Variants in LRRC4C observed in about 807,000 individuals in gnomAD.
LRRC4C encodes leucine-rich repeat-containing protein 4C.
A neutral mutation model predicts 33.6 loss-of-function variants in LRRC4C; 5 were observed. That is an observed-to-expected ratio of 0.15 (90% CI 0.08 to 0.31). LRRC4C has a LOEUF of 0.31. LRRC4C is among the 10% of genes least tolerant of loss of function. The pLI, the probability that LRRC4C is intolerant of heterozygous loss-of-function variation, is 1.00. For synonymous variants in LRRC4C, 329 were observed against 302.0 expected, an observed-to-expected ratio of 1.09 and a Z score of -0.93; for missense variants, 560 against 796.7, an observed-to-expected ratio of 0.70 and a Z score of 3.58.
chr11:41,444,335 A>G (rs1955750396), intron 1 of LRRC4C, among the ~76,000 whole-genome samples: 1 of 152,222 alleles, frequency 6.6e-6, no homozygotes, highest in Non-Finnish European at 1.5e-5. Flanking sequence ...ACAACTAACT[A>G]CATAGCATTT....
intron 1 of LRRC4C, among the ~76,000 whole-genome samples, chr11:41,159,249 C>T (rs570820102): frequency 2.6e-4 from 40 of 152,138 alleles, no homozygotes; most frequent in Non-Finnish European, 5.0e-4. Context: ...TGTGATCATG[C>T]CACTGTACTC....
chr11:41,410,392 T>C (rs1056846519), intron 1 of LRRC4C, among the ~76,000 whole-genome samples: 2 of 151,494 alleles, frequency 1.3e-5, no homozygotes, highest in African/African-American at 4.9e-5. Context: ...GTTTTTTTCT[T>C]AGTGAGAAAG....
chr11:40,855,702 C>T (rs921271985), intron 2 of LRRC4C, among the ~76,000 whole-genome samples: 1 of 152,084 alleles, frequency 6.6e-6, no homozygotes, highest in Non-Finnish European at 1.5e-5. Context: ...AATTAGCTGC[C>T]TATTTATGAG....
At chr11:40,204,703 C>T (rs1409077043) in intron 5 of LRRC4C, among the ~76,000 whole-genome samples, 1 of 152,138 alleles carries the variant, frequency 6.6e-6, no homozygotes, top group Admixed American at 6.5e-5. Context: ...TAACAACCTC[C>T]AGGCCTTTTT....
At chr11:41,385,225 T>C (rs1953311930) in intron 1 of LRRC4C, among the ~76,000 whole-genome samples, 1 of 151,356 alleles carries the variant, frequency 6.6e-6, no homozygotes. Flanking sequence ...ATAAAAATCA[T>C]GTGGCCAATT....
intron 1 of LRRC4C, among the ~76,000 whole-genome samples, chr11:41,023,501 G>A (rs113672886): frequency 2.6e-5 from 4 of 151,752 alleles, no homozygotes; most frequent in Non-Finnish European, 5.9e-5. Context: ...AATGACATAT[G>A]CTGGAAAAAA....
chr11:40,418,870 G>T (rs1950423434), intron 3 of LRRC4C, among the ~76,000 whole-genome samples: 1 of 152,170 alleles, frequency 6.6e-6, no homozygotes, highest in South Asian at 2.1e-4. Flanking sequence ...ACTAATGCAG[G>T]AACAGAAAAC....
intron 2 of LRRC4C, among the ~76,000 whole-genome samples, chr11:40,923,208 T>A (rs1320529432): frequency 2.0e-5 from 3 of 152,220 alleles, no homozygotes; most frequent in Non-Finnish European, 4.4e-5. Flanking sequence ...AAAACCTACT[T>A]ATTTCTATGC....
intron 2 of LRRC4C, among the ~76,000 whole-genome samples, chr11:40,927,033 A>G (rs549501142): frequency 6.6e-6 from 1 of 152,334 alleles, no homozygotes; most frequent in East Asian, 1.9e-4. Flanking sequence ...AAATTTGGAT[A>G]AAGGTAAAAT....
chr11:41,398,710 T>C (rs1325783823), intron 1 of LRRC4C, among the ~76,000 whole-genome samples: 3 of 151,932 alleles, frequency 2.0e-5, no homozygotes, highest in Non-Finnish European at 4.4e-5. Context: ...AGTAAATTGC[T>C]AATAATATTG....
intron 2 of LRRC4C, among the ~76,000 whole-genome samples, chr11:40,848,012 A>AG (rs942477973): frequency 6.6e-6 from 1 of 151,512 alleles, no homozygotes; most frequent in African/African-American, 2.4e-5. Flanking sequence ...CCCTTTTATC[A>AG]GTTTTTATTG....
At chr11:41,187,430 C>T (rs372062998) in intron 1 of LRRC4C, among the ~76,000 whole-genome samples, 26 of 152,232 alleles carry the variant, frequency 1.7e-4, no homozygotes, top group African/African-American at 5.5e-4. Flanking sequence ...AGTAGAAAGA[C>T]GTGGAGTTTG....
intron 1 of LRRC4C, among the ~76,000 whole-genome samples, chr11:41,231,466 G>A (rs1947791438): frequency 6.6e-6 from 1 of 151,282 alleles, no homozygotes; most frequent in Non-Finnish European, 1.5e-5. Flanking sequence ...GTCCTTTGTA[G>A]GGACATGGAT....
intron 3 of LRRC4C, among the ~76,000 whole-genome samples, chr11:40,626,073 C>A (rs1179806902): frequency 6.6e-6 from 1 of 152,040 alleles, no homozygotes; most frequent in Admixed American, 6.5e-5. Flanking sequence ...AACATGTTCT[C>A]CTCACCTCTC....
intron 1 of LRRC4C, among the ~76,000 whole-genome samples, chr11:40,947,075 AG>A (rs965002907): frequency 3.9e-5 from 6 of 152,160 alleles, no homozygotes; most frequent in Non-Finnish European, 5.9e-5. Flanking sequence ...TATCAGAGAA[AG>A]TTCCTTATCA....
At chr11:40,626,812 C>T (rs1962971533) in intron 3 of LRRC4C, among the ~76,000 whole-genome samples, 2 of 152,260 alleles carry the variant, frequency 1.3e-5, no homozygotes, top group South Asian at 4.1e-4. Flanking sequence ...TCTAAGTCTC[C>T]TCAGATGAAT....
intron 2 of LRRC4C, among the ~76,000 whole-genome samples, chr11:40,702,358 C>T (rs1945903294): frequency 6.6e-6 from 1 of 152,100 alleles, no homozygotes; most frequent in Non-Finnish European, 1.5e-5. Context: ...GTCTCTCTTA[C>T]CAAACTTTTA....
intron 4 of LRRC4C, among the ~76,000 whole-genome samples, chr11:40,264,094 T>C (rs371560821): frequency 5.9e-5 from 9 of 152,184 alleles, no homozygotes; most frequent in African/African-American, 1.9e-4. Context: ...TTAATAACTA[T>C]GTATAAAGAA....
intron 1 of LRRC4C, among the ~76,000 whole-genome samples, chr11:41,283,241 CCG>C (rs1288268797): frequency 6.6e-6 from 1 of 152,050 alleles, no homozygotes; most frequent in Non-Finnish European, 1.5e-5. Flanking sequence ...CTGGAAATAT[CCG>C]CTTAGAAAAT....
Sources: allele counts gnomAD v4.1 joint callset (sites outside exome capture counted in the v4.1 genomes callset), GRCh38; gene constraint gnomAD v4.1.1; transcripts MANE v1.5; gene names NCBI Gene and HGNC (gene_info 2026-07-23, HGNC 2026-07-21).